Variants in ANKFN1 observed in about 807,000 individuals in gnomAD.
ANKFN1 encodes the protein ankyrin repeat and fibronectin type III domain containing 1.
ANKFN1 carries 74 observed loss-of-function variants against 108.7 expected under a neutral mutation model. That is an observed-to-expected ratio of 0.68 (90% CI 0.56 to 0.83). ANKFN1 has a LOEUF of 0.83. Ranked by LOEUF, ANKFN1 falls within the 40% of genes least tolerant of loss-of-function variation. The pLI, the probability that ANKFN1 is intolerant of heterozygous loss-of-function variation, is 0.00. For synonymous variants in ANKFN1, 547 were observed against 516.2 expected, an observed-to-expected ratio of 1.06 and a Z score of -0.81; for missense variants, 1,505 against 1,382.3, an observed-to-expected ratio of 1.09 and a Z score of -1.41.
intron 3 of ANKFN1, among the ~76,000 whole-genome samples, chr17:56,265,775 A>G (rs761635572): frequency 4.6e-5 from 7 of 152,200 alleles, no homozygotes; most frequent in Non-Finnish European, 1.0e-4. Context: ...ATTACTTATA[A>G]TACCTAATAC....
chr17:56,403,529 T>A (rs1468229662), intron 8 of ANKFN1, among the ~76,000 whole-genome samples: 2 of 152,148 alleles, frequency 1.3e-5, no homozygotes, highest in African/African-American at 4.8e-5. Flanking sequence ...TCCACCCTTT[T>A]ACTGTAAGTT....
At chr17:56,385,597 C>A (rs548381201) in intron 8 of ANKFN1, among the ~76,000 whole-genome samples, 27 of 152,298 alleles carry the variant, frequency 1.8e-4, no homozygotes, top group Admixed American at 1.3e-4. Context: ...TATCCAGAAT[C>A]TACAATGAAC....
At chr17:56,125,698 G>A (rs900429250) in intron 4 of ANKFN1, among the ~76,000 whole-genome samples, 9 of 152,270 alleles carry the variant, frequency 5.9e-5, no homozygotes, top group East Asian at 3.9e-4. Flanking sequence ...CATGTGGATC[G>A]TTCGGTAATA....
chr17:56,469,930 C>G (rs1476292183), intron 15 of ANKFN1, among the ~76,000 whole-genome samples: 1 of 152,040 alleles, frequency 6.6e-6, no homozygotes, highest in Non-Finnish European at 1.5e-5. Flanking sequence ...TTTCCTGATG[C>G]TCTCCCTCCC....
intron 4 of ANKFN1, among the ~76,000 whole-genome samples, chr17:56,328,072 T>C (rs2045569542): frequency 1.3e-5 from 2 of 152,172 alleles, no homozygotes; most frequent in South Asian, 4.1e-4. Flanking sequence ...AAATAGGTCA[T>C]GTAAATAAAA....
rs1225710067 is a variant in ANKFN1, at chr17:56,440,339, T to C, written c.923T>C (p.Met308Thr). The C allele has an allele frequency of 6.2e-7, 1 of 1,611,472 alleles. No homozygotes were observed. The highest frequency in any genetic ancestry group is 8.5e-7 in the Non-Finnish European group (1 of 1,178,208). ...CTACTCCCTCCAGTGGAATGGAGTATGTCCGAAGACTTTTCTCCTTTGGCT... is the reference window on the plus strand; with the variant it reads ...CTACTCCCTCCAGTGGAATGGAGTACGTCCGAAGACTTTTCTCCTTTGGCT... ...VVTRYKVEWSMSEDFSPLAGE... is the reference protein window; with the variant it reads ...VVTRYKVEWSTSEDFSPLAGE... The change falls in exon 9 of 21, where the codon ATG becomes ACG. Residue 308 changes from methionine to threonine, a missense_variant. Coordinates refer to ENST00000682825, the MANE Select transcript of ANKFN1 (RefSeq NM_001370326.1).
chr17:56,286,239 G>T (rs2044213739), intron 3 of ANKFN1, among the ~76,000 whole-genome samples: 1 of 152,036 alleles, frequency 6.6e-6, no homozygotes, highest in Admixed American at 6.6e-5. Flanking sequence ...ATGTTATCCT[G>T]GAGTCTATCT....
chr17:56,123,962 A>G (rs779393683), intron 4 of ANKFN1, among the ~76,000 whole-genome samples: 2 of 152,126 alleles, frequency 1.3e-5, no homozygotes, highest in Non-Finnish European at 2.9e-5. Flanking sequence ...CCCAGAAGGC[A>G]TCTCTTCTGA....
At chr17:56,059,677 T>C (rs4353531) in intron 4 of ANKFN1, among the ~76,000 whole-genome samples, 152,253 of 152,258 alleles carry the variant, frequency 1, 76,124 homozygotes, top group Middle Eastern at 1. Flanking sequence ...CCAGCACCAT[T>C]TATTGAATAG....
intron 15 of ANKFN1, chr17:56,471,787 A>T (rs1202121128): frequency 6.6e-6 from 1 of 152,258 alleles, no homozygotes; most frequent in Non-Finnish European, 1.5e-5. Flanking sequence ...GAAGCCAGAC[A>T]CAAAGTGCTA....
chr17:56,109,615 C>T (rs1280678181), intron 4 of ANKFN1, among the ~76,000 whole-genome samples: 2 of 152,102 alleles, frequency 1.3e-5, no homozygotes, highest in African/African-American at 4.8e-5. Flanking sequence ...AACAGAACAC[C>T]GGCAATGAAA....
At chr17:56,303,461 G>A (rs977582658) in intron 3 of ANKFN1, among the ~76,000 whole-genome samples, 5 of 152,070 alleles carry the variant, frequency 3.3e-5, no homozygotes, top group Non-Finnish European at 7.4e-5. Flanking sequence ...CCAAGCTGAC[G>A]AAGCCATAAT....
rs116034666 is a variant in ANKFN1 at position 56,172,223 on chromosome 17, G to A, written c.-71+18693G>A. Among the ~76,000 whole-genome samples, 1,204 of 152,180 alleles carry A rather than the reference G, an allele frequency of 7.9e-3. 22 individuals carry two copies. The highest frequency in any genetic ancestry group is 0.028 in the African/African-American group (1,156 of 41,530). On this transcript the variant is annotated intron_variant, in intron 1 of 20. Transcript: ENST00000682825. Reference sequence around the variant, plus strand: ...AAGTAGAACTTGATTTCAAATGCATGCCTGTCTAATTTGAAAGAATGCATC... The same window carrying A: ...AAGTAGAACTTGATTTCAAATGCATACCTGTCTAATTTGAAAGAATGCATC...
At chr17:56,070,548 A>T (rs774276208) in intron 4 of ANKFN1, among the ~76,000 whole-genome samples, 2 of 152,142 alleles carry the variant, frequency 1.3e-5, no homozygotes, top group Non-Finnish European at 2.9e-5. Flanking sequence ...GGTCACATTC[A>T]TGAGTACTGG....
At chr17:56,198,566 C>A (rs1913735285) in intron 1 of ANKFN1, among the ~76,000 whole-genome samples, 2 of 152,144 alleles carry the variant, frequency 1.3e-5, no homozygotes. Flanking sequence ...GGTTGGGGAC[C>A]CCTGAGCTAA....
intron 1 of ANKFN1, among the ~76,000 whole-genome samples, chr17:56,168,738 A>G (rs1026897989): frequency 6.6e-6 from 1 of 152,152 alleles, no homozygotes; most frequent in African/African-American, 2.4e-5. Context: ...CCTATATTTC[A>G]TTATTATTAT....
chr17:56,415,270 CT>C (rs2048210168), intron 8 of ANKFN1, among the ~76,000 whole-genome samples: 1 of 152,096 alleles, frequency 6.6e-6, no homozygotes, highest in Non-Finnish European at 1.5e-5. Flanking sequence ...GCAAATTATC[CT>C]TGTTGGCAGG....
intron 3 of ANKFN1, among the ~76,000 whole-genome samples, chr17:56,263,759 A>G (rs1029360177): frequency 6.6e-6 from 1 of 152,236 alleles, no homozygotes; most frequent in African/African-American, 2.4e-5. Flanking sequence ...TCTTCAGGCT[A>G]TACTTCCAAG....
Position 56,247,613 on chromosome 17 carries a change from G to A in ANKFN1, c.53+19656G>A, listed in dbSNP as rs186114478. On this transcript the variant is annotated intron_variant, in intron 3 of 20. Coordinates refer to ENST00000682825, the MANE Select transcript of ANKFN1 (RefSeq NM_001370326.1). ...CCTATCAATAACACCACAAAATAAG[G>A]ATTACATTTTATAGAAGAAATTGAA... Among the ~76,000 whole-genome samples the A allele has an allele frequency of 4.6e-5, 7 of 152,084 alleles. No homozygotes were observed. In the East Asian group the frequency reaches 9.7e-4, roughly 21 times the overall value.
Sources: allele counts gnomAD v4.1 joint callset (sites outside exome capture counted in the v4.1 genomes callset), GRCh38; gene constraint gnomAD v4.1.1; transcripts MANE v1.5; gene names NCBI Gene and HGNC (gene_info 2026-07-23, HGNC 2026-07-21).